The following SLC15A2 variants were observed in gnomAD, a reference collection of about 807,000 sequenced individuals.
SLC15A2 encodes solute carrier family 15 member 2.
A neutral mutation model predicts 95.5 loss-of-function variants in SLC15A2; 77 were observed. The observed-to-expected ratio is 0.81, with a 90% confidence interval of 0.67 to 0.97. The LOEUF (loss-of-function observed/expected upper bound fraction) is 0.97. SLC15A2 is among the 50% of genes least tolerant of loss of function. The pLI, the probability that SLC15A2 is intolerant of heterozygous loss-of-function variation, is 0.00. For synonymous variants in SLC15A2, 306 were observed against 306.9 expected (o/e 1.00, Z 0.03); for missense variants, 893 against 874.4 (o/e 1.02, Z -0.27).
At chr3:121,896,967 T>C (rs921469673) in intron 2 of SLC15A2, among the ~76,000 whole-genome samples, 13 of 149,016 alleles carry the variant, frequency 8.7e-5, no homozygotes, top group Non-Finnish European at 3.0e-5. Flanking sequence ...TTTTCATACC[T>C]GTTCCTCAGG....
At chr3:121,907,461 G>T (rs991615546) in intron 3 of SLC15A2, among the ~76,000 whole-genome samples, 1 of 152,208 alleles carries the variant, frequency 6.6e-6, no homozygotes, top group Non-Finnish European at 1.5e-5. Flanking sequence ...GAGCTTTTCT[G>T]CTCTGGTTTC....
chr3:121,919,518 T>G (rs142457090), intron 7 of SLC15A2, among the ~76,000 whole-genome samples: 6 of 152,186 alleles, frequency 3.9e-5, no homozygotes, highest in Non-Finnish European at 7.4e-5. Flanking sequence ...ATGGGTGGGT[T>G]TGGAAAAAGT....
In SLC15A2 at chr3:121,938,673, C is replaced by A. The variant is rs148122345; in HGVS notation, c.1762-676C>A. On this transcript the variant is annotated intron_variant, in intron 19 of 21. Coordinates refer to ENST00000489711, the MANE Select transcript of SLC15A2 (RefSeq NM_021082.4). ...GACCTGCGCCCACTGTCTGGCACTC[C>A]CTAGTGAGATGAGCCCGGTACCTCA... Among the ~76,000 whole-genome samples the A allele has an allele frequency of 8.1e-3, 1,239 of 152,336 alleles. 16 individuals are homozygous for A. Among genetic ancestry groups the A allele is most frequent in the African/African-American group, 0.028 (1,173 of 41,574 alleles).
intron 5 of SLC15A2, among the ~76,000 whole-genome samples, chr3:121,914,010 T>A (rs1709827958): frequency 6.6e-6 from 1 of 151,618 alleles, no homozygotes; most frequent in Non-Finnish European, 1.5e-5. Flanking sequence ...ACATAATGCC[T>A]ATTATCTCCT....
intron 19 of SLC15A2, among the ~76,000 whole-genome samples, chr3:121,936,390 G>T (rs1025806754): frequency 4.6e-5 from 7 of 152,260 alleles, no homozygotes; most frequent in Non-Finnish European, 8.8e-5. Context: ...TTATTAATGT[G>T]TGGGAGTCTC....
At chr3:121,902,738 T>C (rs982892249) in intron 3 of SLC15A2, among the ~76,000 whole-genome samples, 1 of 152,234 alleles carries the variant, frequency 6.6e-6, no homozygotes, top group Non-Finnish European at 1.5e-5. Flanking sequence ...ATGTGCCACA[T>C]TTTCTTAATC....
chr3:121,899,190 G>C (rs1350570644), intron 3 of SLC15A2, among the ~76,000 whole-genome samples: 1 of 152,114 alleles, frequency 6.6e-6, no homozygotes, highest in Non-Finnish European at 1.5e-5. Context: ...GGTTAATTCA[G>C]AGAAAATTTA....
intron 3 of SLC15A2, among the ~76,000 whole-genome samples, chr3:121,906,077 G>A (rs932593782): frequency 3.3e-5 from 5 of 152,184 alleles, no homozygotes; most frequent in African/African-American, 1.2e-4. Context: ...TCTTCTTGTT[G>A]AATTGATCCC....
intron 19 of SLC15A2, among the ~76,000 whole-genome samples, chr3:121,932,018 A>G (rs985854437): frequency 2.6e-5 from 4 of 151,572 alleles, no homozygotes; most frequent in Admixed American, 1.3e-4. Flanking sequence ...TCCTGCCTCA[A>G]CCTCCCCGAG....
chr3:121,932,986 C>T (rs1361688213), intron 19 of SLC15A2, among the ~76,000 whole-genome samples: 2 of 151,608 alleles, frequency 1.3e-5, no homozygotes, highest in Non-Finnish European at 2.9e-5. Flanking sequence ...TGTTCAATTC[C>T]CACCTATGAG....
At chr3:121,922,413 T>G in intron 8 of SLC15A2, 111 bp downstream of exon 8, 1 of 753,258 alleles carries the variant, frequency 1.3e-6, no homozygotes, top group South Asian at 1.9e-5. Context: ...ACCTCTATTC[T>G]ATTTTCATGT....
chr3:121,922,031 T>C (rs1179520150), intron 7 of SLC15A2, among the ~76,000 whole-genome samples, 189 bp from the exon 8 acceptor site: 5 of 152,336 alleles, frequency 3.3e-5, no homozygotes, highest in East Asian at 3.9e-4. Context: ...GCTCCCTCTT[T>C]ATGAGATTTG....
At chr3:121,927,967 G>A in intron 14 of SLC15A2, 128 bp downstream of exon 14, 2 of 686,390 alleles carry the variant, frequency 2.9e-6, no homozygotes, top group Middle Eastern at 2.8e-4. Context: ...TGCATCATAA[G>A]TATTTGTGAT....
chr3:121,935,957 A>T (rs1433632386), intron 19 of SLC15A2, among the ~76,000 whole-genome samples: 1 of 151,950 alleles, frequency 6.6e-6, no homozygotes, highest in African/African-American at 2.4e-5. Context: ...AGATTCTGGT[A>T]TGTTGTGTCT....
Position 121,943,253 on chromosome 3 carries a change from T to C in SLC15A2, c.*2246T>C, listed in dbSNP as rs978839974. Reference sequence around the variant, plus strand: ...CACACTCTAGCCTGGGGGACAAGAGTGAGACTTCATCTAAAAAAAAAAAGA... The same window carrying C: ...CACACTCTAGCCTGGGGGACAAGAGCGAGACTTCATCTAAAAAAAAAAAGA... On this transcript the variant is annotated 3_prime_UTR_variant, in exon 22 of 22. Transcript: ENST00000489711. The C allele has an allele frequency of 2.6e-5, 4 of 151,376 alleles. No individual in the cohort carries two copies. Among genetic ancestry groups the C allele is most frequent in the African/African-American group, 9.7e-5 (4 of 41,168 alleles). 9.4% of individuals were successfully genotyped at this position (151,376 alleles called of 1,614,324 possible). A position where few individuals can be genotyped will look rare whatever the true frequency, so the allele number is the denominator to read the frequency against.
chr3:121,928,955 C>G, intron 15 of SLC15A2, 27 bp from the exon 16 acceptor site: 1 of 1,610,400 alleles, frequency 6.2e-7, no homozygotes, highest in Non-Finnish European at 8.5e-7. Context: ...TGTACGTGAC[C>G]TTCATTTTAT....
chr3:121,930,916 G>A lies in SLC15A2; in HGVS notation c.1630G>A (p.Gly544Ser). 6.2e-7 allele frequency: 1 copy of A among 1,612,944 alleles called. No homozygotes were observed. The highest frequency in any genetic ancestry group is 1.1e-5 in the South Asian group (1 of 91,058). ...DTSLNVGEDY[G>S]VSAYRTVQRG... ...CTCTCTCAATGTTGGTGAAGACTAT[G>A]GTGTGTCTGCTTATAGAACTGTGCA... is the stretch of plus-strand genomic sequence containing the variant. The change falls in exon 18 of 22, where the codon GGT becomes AGT. Residue 544 changes from glycine to serine, a missense_variant. Transcript: ENST00000489711.
intron 3 of SLC15A2, among the ~76,000 whole-genome samples, chr3:121,902,759 T>C (rs1192173518): frequency 6.6e-6 from 1 of 152,224 alleles, no homozygotes; most frequent in East Asian, 1.9e-4. Flanking sequence ...CAGTCTATCA[T>C]TGATGGACAT....
At chr3:121,924,261 C>G (rs1710066060) in intron 11 of SLC15A2, 90 bp from the exon 12 acceptor site, 1 of 1,100,082 alleles carries the variant, frequency 9.1e-7, no homozygotes, top group African/African-American at 1.6e-5. Context: ...ATGTTTCTCA[C>G]TTGCTAACTA....
Sources: allele counts gnomAD v4.1 joint callset (sites outside exome capture counted in the v4.1 genomes callset), GRCh38; gene constraint gnomAD v4.1.1; transcripts MANE v1.5; gene names NCBI Gene and HGNC (gene_info 2026-07-23, HGNC 2026-07-21).